The following GRM7 variants were observed in gnomAD, a reference collection of about 807,000 sequenced individuals.
GRM7 encodes metabotropic glutamate receptor 7.
Under a neutral mutation model 84.5 loss-of-function variants are expected in GRM7, and 35 were observed. That is an observed-to-expected ratio of 0.41 (90% CI 0.32 to 0.55). The LOEUF (loss-of-function observed/expected upper bound fraction) is 0.55, where lower values mean the gene tolerates loss of function less well. GRM7 is among the 20% of genes least tolerant of loss of function. GRM7 has a pLI of 0.19. For missense variants in GRM7, 1,003 were observed against 1,194.6 expected, an observed-to-expected ratio of 0.84 and a Z score of 2.36; for synonymous variants, 487 against 455.1, an observed-to-expected ratio of 1.07 and a Z score of -0.89.
intron 1 of GRM7, among the ~76,000 whole-genome samples, chr3:6,953,660 T>C (rs1412329358): frequency 6.6e-6 from 1 of 152,178 alleles, no homozygotes; most frequent in Admixed American, 6.5e-5. Context: ...AAATCACACA[T>C]CACATCTCAC....
At chr3:7,112,717 T>C (rs1179173870) in intron 1 of GRM7, among the ~76,000 whole-genome samples, 1 of 152,176 alleles carries the variant, frequency 6.6e-6, no homozygotes, top group East Asian at 1.9e-4. Context: ...GCCATGTGCA[T>C]GACTAGTGGT....
chr3:7,566,203 G>GT (rs1694261920), intron 7 of GRM7, among the ~76,000 whole-genome samples: 2 of 135,820 alleles, frequency 1.5e-5, no homozygotes, highest in African/African-American at 5.7e-5. Context: ...TTCTACCATT[G>GT]TTTTAGCATA....
At chr3:7,578,392 T>G in intron 7 of GRM7, 30 bp from the exon 8 acceptor site, 1 of 1,446,424 alleles carries the variant, frequency 6.9e-7, no homozygotes, top group Non-Finnish European at 9.6e-7. Context: ...AGAATCTGCC[T>G]GATTCACCTT....
intron 2 of GRM7, among the ~76,000 whole-genome samples, chr3:7,283,424 A>T (rs1699322126): frequency 1.3e-5 from 2 of 152,162 alleles, no homozygotes; most frequent in South Asian, 4.1e-4. Flanking sequence ...TATTATTAAA[A>T]ATAACTGCAA....
At chr3:7,674,017 G>C (rs946454454) in intron 8 of GRM7, among the ~76,000 whole-genome samples, 1 of 152,190 alleles carries the variant, frequency 6.6e-6, no homozygotes, top group East Asian at 1.9e-4. Flanking sequence ...TATCCTGACT[G>C]GGGAGATGGG....
At chr3:6,897,105 A>G (rs1372775568) in intron 1 of GRM7, among the ~76,000 whole-genome samples, 3 of 152,206 alleles carry the variant, frequency 2.0e-5, no homozygotes, top group Non-Finnish European at 2.9e-5. Context: ...TTTTATTGCC[A>G]ACATATAGAC....
At chr3:6,915,816 A>C (rs1696922300) in intron 1 of GRM7, among the ~76,000 whole-genome samples, 1 of 152,176 alleles carries the variant, frequency 6.6e-6, no homozygotes, top group African/African-American at 2.4e-5. Context: ...AATAACAGTA[A>C]ATTTTTTTTA....
rs1267082011 is a variant in GRM7 at position 7,738,460 on chromosome 3, A to G, written c.2699-1897A>G. The stretch of plus-strand genomic sequence containing the variant: ...ATCAACGGAATGCCATTATTTTTAT[A>G]TCCAATTTTTTTAAACATAACCTCA... On this transcript the variant is annotated intron_variant, in intron 9 of 9. Coordinates refer to ENST00000357716, the MANE Select transcript of GRM7 (RefSeq NM_000844.4). Among the ~76,000 whole-genome samples, 7 of 152,258 alleles carry G rather than the reference A, an allele frequency of 4.6e-5. 1 individual carries two copies. The South Asian group carries it at 6.2e-4, about 14-fold the overall frequency.
intron 1 of GRM7, among the ~76,000 whole-genome samples, chr3:7,003,094 A>G (rs1020561364): frequency 6.6e-6 from 1 of 152,140 alleles, no homozygotes; most frequent in African/African-American, 2.4e-5. Flanking sequence ...GGTTGAGGGG[A>G]AGTGGGATGG....
Position 7,372,376 on chromosome 3 carries a change from C to A in GRM7, c.1034-42647C>A, listed in dbSNP as rs1389711920. The stretch of plus-strand genomic sequence containing the variant: ...TTGTGTACAATCTTATAACACTGAG[C>A]AAACACTGGAAAACTCAGGTGTGAA... On this transcript the variant is annotated intron_variant, in intron 4 of 9. Transcript: ENST00000357716. Among the ~76,000 whole-genome samples, 6 of 152,140 alleles carry A rather than the reference C, an allele frequency of 3.9e-5. No individual in the cohort carries two copies. In the East Asian group the frequency reaches 1.2e-3, roughly 29 times the overall value.
intron 7 of GRM7, among the ~76,000 whole-genome samples, chr3:7,487,856 C>T (rs1699380432): frequency 6.6e-6 from 1 of 152,154 alleles, no homozygotes; most frequent in African/African-American, 2.4e-5. Context: ...AATTGTAGAG[C>T]TCTTGGCAGC....
At chr3:7,523,127 A>C (rs1021115972) in intron 7 of GRM7, among the ~76,000 whole-genome samples, 2 of 152,140 alleles carry the variant, frequency 1.3e-5, no homozygotes, top group Non-Finnish European at 2.9e-5. Flanking sequence ...TTATTACAGC[A>C]GGCGGAGCTA....
chr3:7,135,251 C>A (rs1693735237), intron 1 of GRM7, among the ~76,000 whole-genome samples: 1 of 152,134 alleles, frequency 6.6e-6, no homozygotes, highest in African/African-American at 2.4e-5. Flanking sequence ...AAGTATAAAT[C>A]AAAGGGAGTG....
At chr3:7,346,114 T>A (rs1463863158) in intron 4 of GRM7, among the ~76,000 whole-genome samples, 1 of 152,126 alleles carries the variant, frequency 6.6e-6, no homozygotes, top group Non-Finnish European at 1.5e-5. Context: ...TTTATTTGAA[T>A]TAGGTGACGG....
At chr3:6,899,981 T>G (rs1696327475) in intron 1 of GRM7, among the ~76,000 whole-genome samples, 1 of 152,164 alleles carries the variant, frequency 6.6e-6, no homozygotes, top group African/African-American at 2.4e-5. Context: ...AGCTTTAACT[T>G]ACTTCCAGGA....
At chr3:7,673,287 T>C (rs1024972191) in intron 8 of GRM7, among the ~76,000 whole-genome samples, 25 of 152,192 alleles carry the variant, frequency 1.6e-4, no homozygotes, top group African/African-American at 5.3e-4. Context: ...GCCAAGAATA[T>C]TGATCATACC....
chr3:7,103,653 T>C (rs1435422532), intron 1 of GRM7, among the ~76,000 whole-genome samples: 1 of 151,848 alleles, frequency 6.6e-6, no homozygotes, highest in African/African-American at 2.4e-5. Flanking sequence ...TAATTAATTA[T>C]ATACTAACAT....
intron 4 of GRM7, among the ~76,000 whole-genome samples, chr3:7,318,360 C>A (rs1575161388): frequency 6.6e-6 from 1 of 151,962 alleles, no homozygotes. Flanking sequence ...ACAAACTCAC[C>A]TATGGGCTGT....
intron 8 of GRM7, among the ~76,000 whole-genome samples, chr3:7,665,257 C>T (rs1034241591): frequency 2.0e-5 from 3 of 150,776 alleles, no homozygotes; most frequent in South Asian, 2.1e-4. Flanking sequence ...CTGCAAGATC[C>T]GCCTCCCGGG....
Sources: allele counts gnomAD v4.1 joint callset (sites outside exome capture counted in the v4.1 genomes callset), GRCh38; gene constraint gnomAD v4.1.1; transcripts MANE v1.5; gene names NCBI Gene and HGNC (gene_info 2026-07-23, HGNC 2026-07-21).